SLC24A3: variants seen among roughly 807,000 people sequenced by gnomAD.
SLC24A3 encodes the protein solute carrier family 24 member 3, also known as sodium/potassium/calcium exchanger 3.
Under a neutral mutation model 75.8 loss-of-function variants are expected in SLC24A3, and 28 were observed. That is an observed-to-expected ratio of 0.37 (90% CI 0.27 to 0.51). The LOEUF (loss-of-function observed/expected upper bound fraction) is 0.51. Among genes scored for constraint, SLC24A3 ranks in the 20% least tolerant of loss-of-function variants. SLC24A3 has a pLI of 0.94. For missense variants in SLC24A3, 663 were observed against 847.8 expected, an observed-to-expected ratio of 0.78 and a Z score of 2.71; for synonymous variants, 372 against 334.1, an observed-to-expected ratio of 1.11 and a Z score of -1.24.
chr20:19,292,737 G>C (rs1447070160), intron 2 of SLC24A3, among the ~76,000 whole-genome samples: 1 of 152,228 alleles, frequency 6.6e-6, no homozygotes, highest in Non-Finnish European at 1.5e-5. Context: ...GTCGTAGTCT[G>C]CTCAGGCTGC....
intron 9 of SLC24A3, among the ~76,000 whole-genome samples, chr20:19,680,302 C>T (rs902727700): frequency 6.6e-6 from 1 of 152,174 alleles, no homozygotes; most frequent in African/African-American, 2.4e-5. Context: ...TGCTGTGGTG[C>T]AATCTGTTCC....
chr20:19,617,296 C>T (rs2031748322), intron 6 of SLC24A3, among the ~76,000 whole-genome samples: 1 of 152,090 alleles, frequency 6.6e-6, no homozygotes, highest in South Asian at 2.1e-4. Flanking sequence ...GTGCCACCCA[C>T]CTCTGCTGGT....
chr20:19,285,502 A>AT lies in SLC24A3; in HGVS notation c.271+4415_271+4416insT, dbSNP rs1555785961. ...CAAAAAAAAAAAAAAAAAAAAAAAA[A>AT]GGCATTTTTCCTTTGCCCCTTGAAG... On this transcript the variant is annotated intron_variant, in intron 2 of 16. Transcript: ENST00000328041. Among the ~76,000 whole-genome samples the AT allele has an allele frequency of 6.0e-3, 867 of 145,690 alleles. 14 individuals carry two copies. Among genetic ancestry groups the AT allele is most frequent in the African/African-American group, 0.021 (822 of 38,696 alleles).
chr20:19,212,686 G>A lies in SLC24A3; in HGVS notation c.-157G>A. Reference sequence around the variant, plus strand: ...ACGACGAGGAGACGGGCAGCGGCGAGGAGGAGGAAGAGGAGGCGGAGGCGG... The same window carrying A: ...ACGACGAGGAGACGGGCAGCGGCGAAGAGGAGGAAGAGGAGGCGGAGGCGG... On this transcript the variant is annotated 5_prime_UTR_variant, in exon 1 of 17. Transcript: ENST00000328041. 1 of 396,150 alleles carries A rather than the reference G, an allele frequency of 2.5e-6. No homozygotes were observed. The highest frequency in any genetic ancestry group is 3.4e-6 in the Non-Finnish European group (1 of 292,750). The allele number at this position is 396,150 out of a possible 1,614,324, so 24.5% of individuals were successfully genotyped here. A position where few individuals can be genotyped will look rare whatever the true frequency, so the allele number is the denominator to read the frequency against.
At chr20:19,659,314 C>T (rs1160489528) in intron 7 of SLC24A3, among the ~76,000 whole-genome samples, 3 of 152,164 alleles carry the variant, frequency 2.0e-5, no homozygotes, top group African/African-American at 7.2e-5. Flanking sequence ...GTCATGGCAC[C>T]GAGTGAATGG....
chr20:19,420,433 C>A (rs1317130685), intron 2 of SLC24A3, among the ~76,000 whole-genome samples: 4 of 137,224 alleles, frequency 2.9e-5, no homozygotes, highest in Admixed American at 1.5e-4. Context: ...GAACTAGTTT[C>A]CAGTCCCACC....
rs991976201 is a variant in SLC24A3, at chr20:19,472,732, G to T, written c.272-42756G>T. ...GCAGGATTTTCTGTTGGATGAACGG[G>T]ATTGTGGACGTCCCCACTACCGTTG... On this transcript the variant is annotated intron_variant, in intron 2 of 16. Transcript: ENST00000328041. 3.3e-5 allele frequency among the ~76,000 whole-genome samples: 5 copies of T among 152,344 alleles called. No homozygotes were observed. The East Asian group carries it at 9.6e-4, about 29-fold the overall frequency.
chr20:19,300,311 G>A (rs747479348), intron 2 of SLC24A3, among the ~76,000 whole-genome samples: 1 of 152,080 alleles, frequency 6.6e-6, no homozygotes, highest in Non-Finnish European at 1.5e-5. Context: ...CTTTGAACCT[G>A]GCTGCCATGT....
intron 2 of SLC24A3, among the ~76,000 whole-genome samples, chr20:19,286,853 G>T (rs376428166): frequency 6.6e-6 from 1 of 152,208 alleles, no homozygotes; most frequent in African/African-American, 2.4e-5. Context: ...GGTTAATGTG[G>T]TTATTGCTGG....
At chr20:19,536,774 G>A (rs1414111024) in intron 3 of SLC24A3, among the ~76,000 whole-genome samples, 2 of 152,208 alleles carry the variant, frequency 1.3e-5, no homozygotes, top group Non-Finnish European at 2.9e-5. Context: ...AGGCAATGGG[G>A]AAAGGATTCC....
intron 2 of SLC24A3, among the ~76,000 whole-genome samples, chr20:19,358,421 A>T (rs1985728857): frequency 6.6e-6 from 1 of 152,206 alleles, no homozygotes; most frequent in African/African-American, 2.4e-5. Flanking sequence ...AGCCTCTAGC[A>T]GAGGAAATGA....
chr20:19,441,273 C>T (rs1256645686), intron 2 of SLC24A3, among the ~76,000 whole-genome samples: 1 of 152,154 alleles, frequency 6.6e-6, no homozygotes, highest in Non-Finnish European at 1.5e-5. Flanking sequence ...GGCATCCCAC[C>T]TAGGGGCCGG....
intron 1 of SLC24A3, among the ~76,000 whole-genome samples, chr20:19,278,160 G>T (rs1472658162): frequency 6.6e-6 from 1 of 152,062 alleles, no homozygotes; most frequent in Non-Finnish European, 1.5e-5. Context: ...AAATGCTGGG[G>T]GATTATGTCC....
intron 15 of SLC24A3, among the ~76,000 whole-genome samples, chr20:19,708,063 C>T (rs779030634): frequency 3.3e-5 from 5 of 152,018 alleles, no homozygotes; most frequent in Admixed American, 6.5e-5. Context: ...GAGGAAGGGC[C>T]AGCCAGGGAC....
At position 19,668,480 on chromosome 20, in the gene SLC24A3, T is replaced by C. The variant is rs769320605; in HGVS notation, c.713+2591T>C. On this transcript the variant is annotated intron_variant, in intron 8 of 16. Transcript: ENST00000328041. ...GAGTTCCATTCCTCATTATAGAACA[T>C]TCCAGCATGGCCTAGAGATTTCAAG... Among the ~76,000 whole-genome samples, 11 of 152,308 alleles carry C rather than the reference T, an allele frequency of 7.2e-5. No individual in the cohort carries two copies. In the South Asian group the frequency reaches 8.3e-4, roughly 11 times the overall value.
At chr20:19,362,005 G>T (rs1985800301) in intron 2 of SLC24A3, among the ~76,000 whole-genome samples, 1 of 152,096 alleles carries the variant, frequency 6.6e-6, no homozygotes, top group South Asian at 2.1e-4. Flanking sequence ...TCATTAATGG[G>T]CTGGGTTATT....
chr20:19,485,558 TC>T (rs1988115932), intron 2 of SLC24A3, among the ~76,000 whole-genome samples: 1 of 152,190 alleles, frequency 6.6e-6, no homozygotes, highest in Non-Finnish European at 1.5e-5. Context: ...TTCCTTCTTA[TC>T]CTTTTGAAGG....
chr20:19,346,824 C>T (rs1600441035), intron 2 of SLC24A3, among the ~76,000 whole-genome samples: 1 of 151,428 alleles, frequency 6.6e-6, no homozygotes, highest in East Asian at 1.9e-4. Context: ...CCACCTGATC[C>T]CCAAAACCTA....
chr20:19,362,034 T>C (rs935361669), intron 2 of SLC24A3, among the ~76,000 whole-genome samples: 1 of 152,198 alleles, frequency 6.6e-6, no homozygotes, highest in African/African-American at 2.4e-5. Flanking sequence ...TCTTAAGTTC[T>C]GGTTCATGTG....
Sources: gnomAD v4.1 joint callset for allele counts (sites outside exome capture counted in the v4.1 genomes callset) on GRCh38, gnomAD v4.1.1 for gene constraint, MANE v1.5 for transcripts, NCBI Gene and HGNC (gene_info 2026-07-23, HGNC 2026-07-21) for gene names.